PLBD2: variants seen among roughly 807,000 people sequenced by gnomAD.
PLBD2 encodes the protein putative aminopeptidase PLBD2.
A neutral mutation model predicts 68.3 loss-of-function variants in PLBD2; 51 were observed. The observed-to-expected ratio is 0.75, with a 90% CI of 0.60 to 0.94. The LOEUF is 0.94. Among genes scored for constraint, PLBD2 ranks in the 40% least tolerant of loss-of-function variants. The probability of loss-of-function intolerance (pLI) is 0.00; values close to 1 mark genes in which losing one functional copy is unlikely to be tolerated. For synonymous variants in PLBD2, 314 were observed against 339.3 expected, an observed-to-expected ratio of 0.93 and a Z score of 0.82; for missense variants, 729 against 792.2, an observed-to-expected ratio of 0.92 and a Z score of 0.96.
chr12:113,380,709 T>G, intron 5 of PLBD2, 36 bp from the exon 6 acceptor site: 1 of 1,528,676 alleles, frequency 6.5e-7, no homozygotes, highest in Non-Finnish European at 8.8e-7. Context: ...CCTGTGCCTG[T>G]CTGACCAGCA....
chr12:113,365,335 T>C (rs1593279457), intron 1 of PLBD2, among the ~76,000 whole-genome samples: 1 of 152,190 alleles, frequency 6.6e-6, no homozygotes, highest in African/African-American at 2.4e-5. Context: ...ATTTTTTTTT[T>C]TTTTTTGACA....
intron 6 of PLBD2, among the ~76,000 whole-genome samples, chr12:113,382,041 T>C (rs2136919411): frequency 6.6e-6 from 1 of 152,216 alleles, no homozygotes; most frequent in African/African-American, 2.4e-5. Flanking sequence ...CAGGCCAGTC[T>C]CGAACTCCTG....
chr12:113,387,682 TG>T, intron 10 of PLBD2, 61 bp from the exon 11 acceptor site: 4 of 1,544,226 alleles, frequency 2.6e-6, no homozygotes, highest in Non-Finnish European at 3.6e-6. Flanking sequence ...GTGAGGATTT[TG>T]GCCCCCGTCT....
chr12:113,380,596 A>C (rs1593288480), intron 5 of PLBD2, 149 bp from the exon 6 acceptor site: 1 of 626,802 alleles, frequency 1.6e-6, no homozygotes, highest in African/African-American at 1.8e-5. Flanking sequence ...ATGCCCAATG[A>C]CCTCATTTGC....
In PLBD2 at chr12:113,385,807, A is replaced by G. The variant is rs578257141; in HGVS notation, c.1286+524A>G. ...GCCCTGTCACCCAGGCTGGAGTGCAATGGTGCAATCTCAGCTCACTGCAGC... is the reference window on the plus strand; with the variant it reads ...GCCCTGTCACCCAGGCTGGAGTGCAGTGGTGCAATCTCAGCTCACTGCAGC... On this transcript the variant is annotated intron_variant, in intron 9 of 11. Coordinates refer to ENST00000280800, the MANE Select transcript of PLBD2 (RefSeq NM_173542.4). Among the ~76,000 whole-genome samples, 8 of 152,104 alleles carry G rather than the reference A, an allele frequency of 5.3e-5. No homozygotes were observed. In the South Asian group the frequency reaches 1.0e-3, roughly 20 times the overall value.
chr12:113,371,106 G>A (rs1275434462), intron 2 of PLBD2, among the ~76,000 whole-genome samples: 6 of 152,346 alleles, frequency 3.9e-5, no homozygotes, highest in South Asian at 4.1e-4. Context: ...AGAAGTAGGC[G>A]AGGCTGTGGA....
At position 113,388,611 on chromosome 12, in the gene PLBD2, G is replaced by C. The variant is rs1246846498; in HGVS notation, c.1755G>C (p.Lys585Asn). 9.4e-6 allele frequency: 15 copies of C among 1,589,582 alleles called. No homozygotes were observed. The Admixed American group carries it at 2.7e-4, about 29-fold the overall frequency. ...ACCTCTGGAAGTTCGCGCCTGTCAA[G>C]GTTTCATGGGACTGAAGTTCTGTCC... is the stretch of plus-strand genomic sequence containing the variant. ...QPDLWKFAPV[K>N]VSWD Residue 585 changes from lysine (K) to asparagine (N), a missense_variant, in exon 12 of 12, where the codon AAG becomes AAC. Transcript: ENST00000280800.
Position 113,387,861 on chromosome 12 carries a change from C to CT in PLBD2, c.1559dup (p.Gln521ProfsTer108). Reference sequence around the variant, plus strand: ...TCAACCCGGCCAATGGCTCCTACCCCTTCCAGGCCCTGCGTCAGCGCTCCC... The same window carrying CT: ...TCAACCCGGCCAATGGCTCCTACCCCTTTCCAGGCCCTGCGTCAGCGCTCCC... On this transcript the variant is annotated frameshift_variant, in exon 11 of 12. Coordinates refer to ENST00000280800, the MANE Select transcript of PLBD2 (RefSeq NM_173542.4). LOFTEE classifies it high-confidence loss of function. 6.2e-7 allele frequency: 1 copy of CT among 1,614,250 alleles called. No individual in the cohort carries two copies. Among genetic ancestry groups the CT allele is most frequent in the Non-Finnish European group, 8.5e-7 (1 of 1,180,038 alleles).
At chr12:113,376,602 A>T (rs1414710887) in intron 5 of PLBD2, among the ~76,000 whole-genome samples, 1 of 152,200 alleles carries the variant, frequency 6.6e-6, no homozygotes, top group Non-Finnish European at 1.5e-5. Context: ...GAAGAATTAG[A>T]GCTATTTTTG....
Position 113,384,159 on chromosome 12 carries a change from C to A in PLBD2, c.1012C>A (p.Arg338=), listed in dbSNP as rs150445091. 1.8e-5 allele frequency: 29 copies of A among 1,613,706 alleles called. No homozygotes were observed. The African/African-American group carries it at 3.3e-4, about 19-fold the overall frequency. ...NKNPALWKYV[R]PRGCVLEWVR... Reference sequence around the variant, plus strand: ...GAACCCAGCCCTGTGGAAGTATGTGCGGCCCAGGGGCTGTGTGCTGGAGTG... The same window carrying A: ...GAACCCAGCCCTGTGGAAGTATGTGAGGCCCAGGGGCTGTGTGCTGGAGTG... The change falls in exon 7 of 12, where the codon CGG becomes AGG. Residue 338 remains arginine (R), a synonymous_variant. Transcript: ENST00000280800. This position sits in a 1 kb window ranked among gnomAD's most constrained non-coding sequence, Gnocchi z 4.2.
chr12:113,368,410 G>A (rs1240443271), intron 1 of PLBD2, among the ~76,000 whole-genome samples: 3 of 152,336 alleles, frequency 2.0e-5, no homozygotes, highest in Non-Finnish European at 4.4e-5. Flanking sequence ...GTGTGCTTGT[G>A]TGGCTCTCAT....
intron 3 of PLBD2, 74 bp from the exon 4 acceptor site, chr12:113,374,400 C>T (rs576713100): frequency 7.6e-4 from 784 of 1,031,846 alleles, no homozygotes; most frequent in Non-Finnish European, 1.1e-3. Context: ...GGCCAGAGCC[C>T]GTCCCGTTGA....
At chr12:113,386,871 C>T (rs1957557939) in intron 9 of PLBD2, 66 bp from the exon 10 acceptor site, 3 of 1,572,716 alleles carry the variant, frequency 1.9e-6, no homozygotes, top group Non-Finnish European at 2.6e-6. Flanking sequence ...CCCTCCCCTC[C>T]CTGGCCACAG....
Position 113,374,422 on chromosome 12 carries a change from T to C in PLBD2, c.544-52T>C. ...GCCCGTCCCGTTGAAGGAGAAGGTG[T>C]GAGCCTGGAGGAGAGGCCTCACCCT... is the stretch of plus-strand genomic sequence containing the variant. On this transcript the variant is annotated intron_variant, in intron 3 of 11. Coordinates refer to ENST00000280800, the MANE Select transcript of PLBD2 (RefSeq NM_173542.4). 3 of 1,246,088 alleles carry C rather than the reference T, an allele frequency of 2.4e-6. No homozygotes were observed. In the South Asian group the frequency reaches 3.9e-5, roughly 16 times the overall value. The allele number at this position is 1,246,088 out of a possible 1,614,324, so 77.2% of individuals were successfully genotyped here. A position where few individuals can be genotyped will look rare whatever the true frequency, so the allele number is the denominator to read the frequency against.
rs138071988 is a variant in PLBD2, at chr12:113,377,728, T to A, written c.859+2721T>A. Among the ~76,000 whole-genome samples, 895 of 152,382 alleles carry A rather than the reference T, an allele frequency of 5.9e-3. 9 individuals are homozygous for A. The highest frequency in any genetic ancestry group is 0.02 in the African/African-American group (838 of 41,590). ...GGTTTGCCTGGTTTTGAATGTCATATGAATGGAATCATGTAGTGTGTGCTC... is the reference window on the plus strand; with the variant it reads ...GGTTTGCCTGGTTTTGAATGTCATAAGAATGGAATCATGTAGTGTGTGCTC... On this transcript the variant is annotated intron_variant, in intron 5 of 11. Coordinates refer to ENST00000280800, the MANE Select transcript of PLBD2 (RefSeq NM_173542.4).
chr12:113,379,454 G>A (rs1394771616), intron 5 of PLBD2, among the ~76,000 whole-genome samples: 1 of 152,100 alleles, frequency 6.6e-6, no homozygotes, highest in Non-Finnish European at 1.5e-5. Context: ...GCCTTTCTGA[G>A]TCTCAGATTG....
chr12:113,378,965 T>C (rs1957458602), intron 5 of PLBD2, among the ~76,000 whole-genome samples: 1 of 152,178 alleles, frequency 6.6e-6, no homozygotes, highest in South Asian at 2.1e-4. Flanking sequence ...TGAGCCACTG[T>C]GCCCGGCCTA....
At position 113,384,962 on chromosome 12, in the gene PLBD2, G is replaced by T; in HGVS notation, c.1214+16G>T. The T allele has an allele frequency of 6.3e-7, 1 of 1,596,078 alleles. No individual in the cohort carries two copies. The highest frequency in any genetic ancestry group is 8.6e-7 in the Non-Finnish European group (1 of 1,167,378). ...AGCAGATCCCGTGCGTACCCTGGGAGGGAGGGGTGGGGGCTCGGGGCAGAG... is the reference window on the plus strand; with the variant it reads ...AGCAGATCCCGTGCGTACCCTGGGATGGAGGGGTGGGGGCTCGGGGCAGAG... On this transcript the variant is annotated intron_variant, in intron 8 of 11. Coordinates refer to ENST00000280800, the MANE Select transcript of PLBD2 (RefSeq NM_173542.4). The surrounding 1 kb of genome is among the most constrained non-coding windows in gnomAD (Gnocchi z 4.2).
rs1593275010 is a variant in PLBD2, at chr12:113,358,591, T to C, written c.-10T>C. ...GTGACCCGGGCTGCGGGGCGCAGCA[T>C]TGTGCGGTCATGGTGGGCCAGATGT... On this transcript the variant is annotated 5_prime_UTR_variant, in exon 1 of 12. Transcript: ENST00000280800. 2 of 1,467,256 alleles carry C rather than the reference T, an allele frequency of 1.4e-6. No homozygotes were observed. Among genetic ancestry groups the C allele is most frequent in the East Asian group, 3.0e-5 (1 of 33,244 alleles). 90.9% of individuals were successfully genotyped at this position (1,467,256 alleles called of 1,614,324 possible). A position where few individuals can be genotyped will look rare whatever the true frequency, so the allele number is the denominator to read the frequency against.
Sources: allele counts gnomAD v4.1 joint callset (sites outside exome capture counted in the v4.1 genomes callset), GRCh38; gene constraint gnomAD v4.1.1; non-coding constraint Gnocchi (gnomAD v3.1); transcripts MANE v1.5; gene names NCBI Gene and HGNC (gene_info 2026-07-23, HGNC 2026-07-21).